DIP2C: variants seen among roughly 807,000 people sequenced by gnomAD.
DIP2C encodes the protein DIP2 acetate--CoA ligase C (putative), also known as disco-interacting protein 2 homolog C.
A neutral mutation model predicts 192.4 loss-of-function variants in DIP2C; 33 were observed. That is an observed-to-expected ratio of 0.17 (90% CI 0.13 to 0.23). DIP2C has a LOEUF of 0.23. DIP2C is among the 10% of genes least tolerant of loss of function. The pLI, the probability that DIP2C is intolerant of heterozygous loss-of-function variation, is 1.00. For missense variants in DIP2C, 1,537 were observed against 2,110.1 expected (o/e 0.73, Z 5.32); for synonymous variants, 979 against 864.1 (o/e 1.13, Z -2.33).
At chr10:307,987 G>C (rs1956403704) in intron 32 of DIP2C, among the ~76,000 whole-genome samples, 3 of 149,826 alleles carry the variant, frequency 2.0e-5, no homozygotes, top group Admixed American at 2.0e-4. Context: ...GGAGGCTTTG[G>C]GGGTGCCTGG....
At chr10:630,534 G>C (rs539917188) in intron 1 of DIP2C, 1 of 152,306 alleles carries the variant, frequency 6.6e-6, no homozygotes, top group Admixed American at 6.5e-5. Flanking sequence ...TTGAAATAAT[G>C]GTGAAATTTT....
intron 1 of DIP2C, among the ~76,000 whole-genome samples, chr10:503,582 G>A (rs1226096719): frequency 6.6e-6 from 1 of 152,222 alleles, no homozygotes; most frequent in Non-Finnish European, 1.5e-5. Context: ...TGACCATCCA[G>A]GAGTCGTCAC....
At chr10:479,542 G>T (rs999106130) in intron 2 of DIP2C, among the ~76,000 whole-genome samples, 3 of 151,910 alleles carry the variant, frequency 2.0e-5, no homozygotes, top group African/African-American at 7.3e-5. Flanking sequence ...CAACATGTTA[G>T]CCAGGCTGAT....
intron 2 of DIP2C, among the ~76,000 whole-genome samples, chr10:483,212 A>C (rs11252670): frequency 6.6e-6 from 1 of 152,166 alleles, no homozygotes; most frequent in East Asian, 1.9e-4. Context: ...AGGAATAGGA[A>C]TGTAAATGTT....
chr10:439,107 A>C (rs536701593), intron 4 of DIP2C, among the ~76,000 whole-genome samples: 2 of 152,276 alleles, frequency 1.3e-5, no homozygotes, highest in East Asian at 1.9e-4. Flanking sequence ...TGGACTCCCA[A>C]AGTGCAGGAG....
intron 1 of DIP2C, among the ~76,000 whole-genome samples, chr10:541,443 G>A (rs556870947): frequency 1.2e-3 from 153 of 131,130 alleles, no homozygotes; most frequent in African/African-American, 3.6e-3. Flanking sequence ...GACCACACCC[G>A]TCTCTCCTGG....
At chr10:333,318 C>T (rs961742431) in intron 29 of DIP2C, among the ~76,000 whole-genome samples, 1 of 152,246 alleles carries the variant, frequency 6.6e-6, no homozygotes, top group Non-Finnish European at 1.5e-5. Context: ...AAAATGGTCA[C>T]TACTCTAGAA....
chr10:600,037 C>T (rs182236727), intron 1 of DIP2C, among the ~76,000 whole-genome samples: 7 of 152,276 alleles, frequency 4.6e-5, no homozygotes, highest in African/African-American at 1.4e-4. Context: ...GCAAGGAGGT[C>T]TGCACTTCAT....
intron 10 of DIP2C, among the ~76,000 whole-genome samples, chr10:392,329 C>T (rs1351758881): frequency 1.3e-5 from 2 of 152,200 alleles, no homozygotes; most frequent in African/African-American, 2.4e-5. Flanking sequence ...AGGCCAGTCG[C>T]TCATGGCTGT....
At chr10:297,676 A>G (rs995190460) in intron 32 of DIP2C, among the ~76,000 whole-genome samples, 3 of 152,166 alleles carry the variant, frequency 2.0e-5, no homozygotes, top group African/African-American at 7.2e-5. Context: ...CTGGGAAGGG[A>G]GGGATGGGGA....
intron 3 of DIP2C, among the ~76,000 whole-genome samples, chr10:449,865 T>C (rs1564727620): frequency 7.3e-6 from 1 of 136,428 alleles, no homozygotes; most frequent in Non-Finnish European, 1.5e-5. Context: ...TAAAAACACA[T>C]ACACACACAC....
chr10:393,778 C>CAAAAAAAAAA (rs34390976), intron 10 of DIP2C, among the ~76,000 whole-genome samples: 12 of 65,564 alleles, frequency 1.8e-4, no homozygotes, highest in African/African-American at 3.8e-4. Context: ...GACTCCGTCT[C>CAAAAAAAAAA]AAAAAAAAAA....
At chr10:312,491 C>T (rs1956607091) in intron 31 of DIP2C, among the ~76,000 whole-genome samples, 1 of 152,174 alleles carries the variant, frequency 6.6e-6, no homozygotes, top group Non-Finnish European at 1.5e-5. Context: ...ACACTAGAGA[C>T]AGCAGCTGCA....
At chr10:616,854 C>T (rs1307925524) in intron 1 of DIP2C, among the ~76,000 whole-genome samples, 1 of 152,164 alleles carries the variant, frequency 6.6e-6, no homozygotes, top group East Asian at 1.9e-4. Flanking sequence ...GCCGCCGTGG[C>T]CTCTACTCAT....
chr10:620,139 G>A (rs1392308950), intron 1 of DIP2C, among the ~76,000 whole-genome samples: 1 of 152,204 alleles, frequency 6.6e-6, no homozygotes, highest in Non-Finnish European at 1.5e-5. Context: ...AGCCGATCTG[G>A]CTGGACGGAG....
At chr10:308,576 T>C (rs947582728) in intron 32 of DIP2C, among the ~76,000 whole-genome samples, 1 of 152,242 alleles carries the variant, frequency 6.6e-6, no homozygotes, top group African/African-American at 2.4e-5. Context: ...TTTAGAAAAC[T>C]GTATGCCCAG....
At position 423,006 on chromosome 10, in the gene DIP2C, C is replaced by G; in HGVS notation, c.422G>C (p.Gly141Ala). Residue 141 changes from glycine (G) to alanine (A), a missense_variant, in exon 5 of 37, where the codon GGC becomes GCC. Gly to Ala is a moderately conservative substitution (Grantham distance 60). Around this residue, in one of 4 missense-constraint regions of DIP2C, gnomAD observed 473 missense variants for 539.6 expected, o/e 0.88. Transcript: ENST00000280886. ...GCCCTGGGAGTCCCCCTGCACTGAGCCTTCATCTTCTGAGCCAGAAGAGGT... is the reference window on the plus strand; with the variant it reads ...GCCCTGGGAGTCCCCCTGCACTGAGGCTTCATCTTCTGAGCCAGAAGAGGT... ...PDTSSGSEDE[G>A]SVQGDSQGTP... is the part of the protein sequence containing the mutation. The G allele has an allele frequency of 6.2e-7, 1 of 1,611,786 alleles. No individual in the cohort carries two copies. Among genetic ancestry groups the G allele is most frequent in the Non-Finnish European group, 8.5e-7 (1 of 1,178,526 alleles).
At chr10:331,556 T>A (rs1957510537) in intron 29 of DIP2C, among the ~76,000 whole-genome samples, 2 of 152,232 alleles carry the variant, frequency 1.3e-5, no homozygotes, top group South Asian at 4.1e-4. Flanking sequence ...ATAGTACAAC[T>A]ATTCACACAG....
intron 1 of DIP2C, among the ~76,000 whole-genome samples, chr10:609,912 T>TA (rs1487235867): frequency 2.0e-5 from 3 of 152,112 alleles, no homozygotes; most frequent in Non-Finnish European, 4.4e-5. Flanking sequence ...CGGTTCTTCC[T>TA]AGTGGAAGCG....
Sources: gnomAD v4.1 joint callset for allele counts (sites outside exome capture counted in the v4.1 genomes callset) on GRCh38, gnomAD v4.1.1 for gene constraint, gnomAD v4.1.1 regional missense constraint, MANE v1.5 for transcripts, NCBI Gene and HGNC (gene_info 2026-07-23, HGNC 2026-07-21) for gene names.